The following DNAAF11 variants were observed in gnomAD, a reference collection of about 807,000 sequenced individuals.
The protein encoded by DNAAF11 is leucine rich repeat containing 6.
In DNAAF11, 45 loss-of-function variants were observed where a neutral mutation model predicts 60.8. That is an observed-to-expected ratio of 0.74 (90% CI 0.58 to 0.95). DNAAF11 has a LOEUF of 0.95. Ranked by LOEUF, DNAAF11 falls within the 40% of genes least tolerant of loss-of-function variation. The pLI is 0.00. For synonymous variants in DNAAF11, 191 were observed against 183.5 expected (o/e 1.04, Z -0.33); for missense variants, 546 against 546.2 (o/e 1.00, Z 0.00).
intron 5 of DNAAF11, among the ~76,000 whole-genome samples, chr8:132,627,292 C>T (rs747763546): frequency 2.8e-4 from 43 of 152,196 alleles, no homozygotes; most frequent in Non-Finnish European, 5.3e-4. Flanking sequence ...ATTATAAAAA[C>T]ATAAAAATAA....
At chr8:132,692,500 A>G in the DNAAF11 span, among the ~76,000 whole-genome samples, 1 of 152,310 alleles carries the variant, frequency 6.6e-6, no homozygotes, top group East Asian at 1.9e-4. Context: ...CACAGCTCTT[A>G]AATTGTTAGC....
At chr8:132,696,336 C>T in the DNAAF11 span, among the ~76,000 whole-genome samples, 1 of 152,242 alleles carries the variant, frequency 6.6e-6, no homozygotes, top group South Asian at 2.1e-4. Context: ...CAATCACACG[C>T]TGTGGCTGAG....
At chr8:132,578,742 C>T (rs1429054200) in intron 11 of DNAAF11, among the ~76,000 whole-genome samples, 2 of 152,188 alleles carry the variant, frequency 1.3e-5, no homozygotes, top group South Asian at 2.1e-4. Flanking sequence ...TTGATAAAAT[C>T]ACAAGGAACT....
chr8:132,622,551 TTGACCAACACCATTGAC>T, intron 7 of DNAAF11, 43 bp downstream of exon 7: 1 of 1,254,780 alleles, frequency 8.0e-7, no homozygotes, highest in Non-Finnish European at 1.1e-6. Context: ...GAAACAATGA[TTGACCAACACCATTGAC>T]TGACACTTTT....
chr8:132,659,812 G>C (rs1563701750), intron 2 of DNAAF11, among the ~76,000 whole-genome samples: 1 of 152,064 alleles, frequency 6.6e-6, no homozygotes, highest in East Asian at 1.9e-4. Context: ...TTTTGGGCTG[G>C]ATATTCTTTC....
chr8:132,577,686 C>T (rs1814891209), intron 11 of DNAAF11, among the ~76,000 whole-genome samples: 1 of 152,106 alleles, frequency 6.6e-6, no homozygotes, highest in Non-Finnish European at 1.5e-5. Context: ...TCAGATGGAG[C>T]CTTGCTCCGT....
chr8:132,630,639 T>A (rs1025576515), intron 5 of DNAAF11, among the ~76,000 whole-genome samples: 3 of 152,168 alleles, frequency 2.0e-5, no homozygotes, highest in Non-Finnish European at 4.4e-5. Flanking sequence ...CACCAAAGAA[T>A]GTATTTTTTT....
At chr8:132,630,743 T>A (rs1208630211) in intron 5 of DNAAF11, among the ~76,000 whole-genome samples, 1 of 152,130 alleles carries the variant, frequency 6.6e-6, no homozygotes, top group Non-Finnish European at 1.5e-5. Context: ...GATACCTGAA[T>A]AACCAATAAA....
intron 10 of DNAAF11, among the ~76,000 whole-genome samples, chr8:132,601,471 C>CA (rs1292473690): frequency 1.3e-5 from 2 of 152,178 alleles, no homozygotes; most frequent in African/African-American, 4.8e-5. Flanking sequence ...GACACATGCA[C>CA]ACGTATGTTT....
chr8:132,692,197 G>A, the DNAAF11 span, among the ~76,000 whole-genome samples: 1 of 151,976 alleles, frequency 6.6e-6, no homozygotes, highest in Admixed American at 6.6e-5. Flanking sequence ...TGTATAAACT[G>A]GGGTGGGGGG....
At chr8:132,665,975 C>A (rs1824585163) in intron 1 of DNAAF11, among the ~76,000 whole-genome samples, 1 of 152,144 alleles carries the variant, frequency 6.6e-6, no homozygotes. Context: ...GCCATTATCC[C>A]AAGTGAATTC....
intron 3 of DNAAF11, among the ~76,000 whole-genome samples, chr8:132,650,210 CT>C (rs1019179568): frequency 2.6e-4 from 40 of 152,190 alleles, no homozygotes; most frequent in Non-Finnish European, 3.7e-4. Flanking sequence ...GAGTTCATGT[CT>C]TTTGTAGGGA....
rs1200747622 is a variant in DNAAF11, at chr8:132,625,405, G to C, written c.703C>G (p.His235Asp). The C allele has an allele frequency of 6.2e-7, 1 of 1,613,304 alleles. No individual in the cohort carries two copies. Among genetic ancestry groups the C allele is most frequent in the East Asian group, 2.2e-5 (1 of 44,846 alleles). ...CTGTTGTCTAATTTCTTTGTGTTGT[G>C]TTCCTCTGTGTCTGGTGCCTGTAGG... ...DHLQAPDTEE[H>D]NTKKLDNSED... The change falls in exon 6 of 12, where the codon CAC (histidine) becomes GAC (aspartate). Residue 235 changes from histidine (H) to aspartate (D), a missense_variant. Transcript: ENST00000620350.
intron 10 of DNAAF11, among the ~76,000 whole-genome samples, chr8:132,596,948 G>T (rs757224090): frequency 6.6e-6 from 1 of 152,102 alleles, no homozygotes; most frequent in African/African-American, 2.4e-5. Flanking sequence ...GTTGTCTGAT[G>T]TTGTCTTATG....
chr8:132,593,332 C>CATACATACATATAT (rs577618316), intron 10 of DNAAF11, among the ~76,000 whole-genome samples: 1 of 108,740 alleles, frequency 9.2e-6, no homozygotes, highest in Non-Finnish European at 1.8e-5. Context: ...TATATACATA[C>CATACATACATATAT]ATATATATAT....
the DNAAF11 span, chr8:132,687,344 C>A: frequency 4.3e-6 from 1 of 233,240 alleles, no homozygotes; most frequent in Non-Finnish European, 8.7e-6. Context: ...CTCTTCTAAG[C>A]ACTTGGGGGC....
At chr8:132,697,758 A>C in the DNAAF11 span, among the ~76,000 whole-genome samples, 28 of 152,174 alleles carry the variant, frequency 1.8e-4, no homozygotes, top group African/African-American at 2.4e-5. Context: ...AGAGATGCTA[A>C]AGTCTTCAAG....
chr8:132,604,205 G>C (rs1334951026), intron 10 of DNAAF11, among the ~76,000 whole-genome samples: 7 of 152,168 alleles, frequency 4.6e-5, no homozygotes, highest in African/African-American at 1.7e-4. Context: ...TTGACAATCA[G>C]AGAATAAAAG....
chr8:132,580,577 A>C (rs908714013), intron 11 of DNAAF11, among the ~76,000 whole-genome samples: 1 of 152,206 alleles, frequency 6.6e-6, no homozygotes, highest in African/African-American at 2.4e-5. Context: ...AGTAAATTGC[A>C]ATCTATATAC....
Sources: allele counts gnomAD v4.1 joint callset (sites outside exome capture counted in the v4.1 genomes callset), GRCh38; gene constraint gnomAD v4.1.1; transcripts MANE v1.5; gene names NCBI Gene and HGNC (gene_info 2026-07-23, HGNC 2026-07-21).